Variants in MMP16 observed in about 807,000 individuals in gnomAD.
MMP16 encodes matrix metalloproteinase-16.
Under a neutral mutation model 67.8 loss-of-function variants are expected in MMP16, and 12 were observed. That is an observed-to-expected ratio of 0.18 (90% CI 0.11 to 0.29). The LOEUF (loss-of-function observed/expected upper bound fraction) is 0.29, where lower values mean the gene tolerates loss of function less well. Ranked by LOEUF, MMP16 falls within the 10% of genes least tolerant of loss-of-function variation. The pLI is 1.00. For missense variants in MMP16, 475 were observed against 765.7 expected, an observed-to-expected ratio of 0.62 and a Z score of 4.48; for synonymous variants, 249 against 255.9, an observed-to-expected ratio of 0.97 and a Z score of 0.26.
At chr8:88,294,419 T>C (rs1810976258) in intron 1 of MMP16, among the ~76,000 whole-genome samples, 1 of 151,334 alleles carries the variant, frequency 6.6e-6, no homozygotes, top group Admixed American at 6.6e-5. Flanking sequence ...TATATACACA[T>C]ATATACACAT....
chr8:88,218,079 C>T (rs892546882), intron 1 of MMP16, among the ~76,000 whole-genome samples: 1 of 151,968 alleles, frequency 6.6e-6, no homozygotes, highest in Admixed American at 6.6e-5. Context: ...CTGACTTCTA[C>T]TCTTTATCTG....
intron 6 of MMP16, among the ~76,000 whole-genome samples, chr8:88,087,213 G>A (rs1808848397): frequency 6.6e-6 from 1 of 151,856 alleles, no homozygotes. Flanking sequence ...GGTCTAAGTA[G>A]GCTGGCCAAT....
intron 1 of MMP16, among the ~76,000 whole-genome samples, chr8:88,203,695 C>T (rs1809380022): frequency 6.6e-6 from 1 of 152,092 alleles, no homozygotes. Flanking sequence ...TTTTATAATA[C>T]TTTCAAATAT....
intron 4 of MMP16, among the ~76,000 whole-genome samples, chr8:88,136,970 T>C (rs926581717): frequency 1.3e-5 from 2 of 151,882 alleles, no homozygotes. Context: ...TGTGTATGTG[T>C]TATATACATA....
At chr8:88,138,511 T>C (rs1808159688) in intron 4 of MMP16, among the ~76,000 whole-genome samples, 1 of 152,004 alleles carries the variant, frequency 6.6e-6, no homozygotes, top group Non-Finnish European at 1.5e-5. Context: ...CAATAAATAG[T>C]ATTGGAATTT....
At chr8:88,318,581 G>A (rs1247145050) in intron 1 of MMP16, among the ~76,000 whole-genome samples, 4 of 152,260 alleles carry the variant, frequency 2.6e-5, no homozygotes, top group Admixed American at 6.5e-5. Flanking sequence ...TCGTTTGGAA[G>A]CCTGGGTACG....
chr8:88,297,473 C>T (rs963563218), intron 1 of MMP16, among the ~76,000 whole-genome samples: 1 of 152,022 alleles, frequency 6.6e-6, no homozygotes, highest in Non-Finnish European at 1.5e-5. Context: ...TGCGTATGGC[C>T]CGCTCCAAAA....
chr8:88,166,794 G>C (rs1808721858), intron 4 of MMP16, among the ~76,000 whole-genome samples: 1 of 146,324 alleles, frequency 6.8e-6, no homozygotes, highest in Admixed American at 7.0e-5. Flanking sequence ...GGCTGGTATT[G>C]AACTCCTGAG....
chr8:88,121,011 C>G (rs1191353380), intron 4 of MMP16, among the ~76,000 whole-genome samples: 1 of 151,580 alleles, frequency 6.6e-6, no homozygotes, highest in East Asian at 2.0e-4. Context: ...TGGCTAGGAG[C>G]CTAGCTGAAT....
chr8:88,118,525 T>C (rs1809476952), intron 5 of MMP16, among the ~76,000 whole-genome samples, 175 bp downstream of exon 5: 1 of 152,134 alleles, frequency 6.6e-6, no homozygotes, highest in African/African-American at 2.4e-5. Flanking sequence ...TTAAGATACC[T>C]GGGACCTTTG....
intron 1 of MMP16, among the ~76,000 whole-genome samples, chr8:88,317,197 T>C (rs1282181490): frequency 6.6e-6 from 1 of 152,146 alleles, no homozygotes; most frequent in Non-Finnish European, 1.5e-5. Context: ...AGTTCTACTG[T>C]GGGTAAAAAT....
intron 1 of MMP16, among the ~76,000 whole-genome samples, chr8:88,313,957 T>C (rs894982996): frequency 2.6e-5 from 4 of 152,136 alleles, no homozygotes; most frequent in Non-Finnish European, 5.9e-5. Context: ...TCCCCATGAT[T>C]TAATTACCTC....
At chr8:88,166,688 C>CATACATAT (rs1289559459) in intron 4 of MMP16, among the ~76,000 whole-genome samples, 1 of 58,392 alleles carries the variant, frequency 1.7e-5, no homozygotes, top group Non-Finnish European at 3.5e-5. Context: ...CAAAAAATTA[C>CATACATAT]ATATATATAT....
chr8:88,091,372 C>G (rs921338827), intron 6 of MMP16, among the ~76,000 whole-genome samples: 3 of 151,744 alleles, frequency 2.0e-5, no homozygotes, highest in Non-Finnish European at 4.4e-5. Flanking sequence ...ACCGTGAGGA[C>G]AAACACATTA....
chr8:88,226,113 A>C (rs1809765165), intron 1 of MMP16, among the ~76,000 whole-genome samples: 1 of 152,012 alleles, frequency 6.6e-6, no homozygotes, highest in Non-Finnish European at 1.5e-5. Flanking sequence ...GTATACACAC[A>C]CACGCACACA....
intron 7 of MMP16, among the ~76,000 whole-genome samples, chr8:88,068,348 T>C (rs1160193739): frequency 1.3e-5 from 2 of 152,090 alleles, no homozygotes; most frequent in Admixed American, 1.3e-4. Context: ...TAATGTACTC[T>C]AACTGAGGCT....
At chr8:88,114,142 T>A (rs1231807718) in intron 6 of MMP16, among the ~76,000 whole-genome samples, 3 of 151,958 alleles carry the variant, frequency 2.0e-5, no homozygotes, top group African/African-American at 7.2e-5. Context: ...CAGAGACACA[T>A]AATGGTTATC....
At chr8:88,260,309 T>G (rs1001633068) in intron 1 of MMP16, among the ~76,000 whole-genome samples, 8 of 152,140 alleles carry the variant, frequency 5.3e-5, no homozygotes, top group Non-Finnish European at 7.4e-5. Context: ...GTTTTTATTT[T>G]TGTTTTGTTT....
chr8:88,086,174 G>A lies in MMP16; in HGVS notation c.1084-11431C>T, dbSNP rs964597244. Among the ~76,000 whole-genome samples, 145 of 151,822 alleles carry A rather than the reference G, an allele frequency of 9.6e-4. 3 individuals carry two copies. Among genetic ancestry groups the A allele is most frequent in the African/African-American group, 3.5e-3 (143 of 41,280 alleles). ...TTTTAGGTATTTATATCTTTTTCCT[G>A]TTTCTTCTTTAATCTACTCTTGTTC... On this transcript the variant is annotated intron_variant, in intron 6 of 9. Transcript: ENST00000286614.
Sources: gnomAD v4.1 joint callset for allele counts (sites outside exome capture counted in the v4.1 genomes callset) on GRCh38, gnomAD v4.1.1 for gene constraint, MANE v1.5 for transcripts, NCBI Gene and HGNC (gene_info 2026-07-23, HGNC 2026-07-21) for gene names.